The following MBNL1 variants were observed in gnomAD, a reference collection of about 807,000 sequenced individuals.
The protein encoded by MBNL1 is muscleblind-like protein 1.
In MBNL1, 8 loss-of-function variants were observed where a neutral mutation model predicts 42.2. The ratio of observed to expected loss-of-function variants is 0.19; its 90% confidence interval spans 0.11 to 0.34. The LOEUF is 0.34. Ranked by LOEUF, MBNL1 falls within the 10% of genes least tolerant of loss-of-function variation. The pLI, the probability that MBNL1 is intolerant of heterozygous loss-of-function variation, is 1.00. For missense variants in MBNL1, 309 were observed against 495.3 expected, an observed-to-expected ratio of 0.62 and a Z score of 3.57; for synonymous variants, 169 against 173.9, an observed-to-expected ratio of 0.97 and a Z score of 0.22.
chr3:152,332,483 T>G (rs1334953597), intron 2 of MBNL1, among the ~76,000 whole-genome samples: 1 of 152,162 alleles, frequency 6.6e-6, no homozygotes, highest in Non-Finnish European at 1.5e-5. Context: ...TCATCTTCCT[T>G]CTATGATAAC....
chr3:152,287,620 C>A (rs78825511), intron 1 of MBNL1, among the ~76,000 whole-genome samples: 2 of 152,186 alleles, frequency 1.3e-5, no homozygotes, highest in East Asian at 3.8e-4. Context: ...TAGTTACCCA[C>A]GAGTCACTGA....
intron 2 of MBNL1, among the ~76,000 whole-genome samples, chr3:152,343,171 A>C (rs952924068): frequency 2.6e-5 from 4 of 152,152 alleles, no homozygotes; most frequent in Non-Finnish European, 5.9e-5. Flanking sequence ...AAATTTTCTC[A>C]GTCTTGGCTT....
intron 2 of MBNL1, among the ~76,000 whole-genome samples, chr3:152,332,198 A>T (rs1415911527): frequency 6.6e-6 from 1 of 152,220 alleles, no homozygotes; most frequent in Admixed American, 6.5e-5. Context: ...TCACGTGGTA[A>T]TGCCAAGGTC....
intron 3 of MBNL1, among the ~76,000 whole-genome samples, chr3:152,427,707 C>CT (rs2098951210): frequency 6.7e-6 from 1 of 149,978 alleles, no homozygotes; most frequent in East Asian, 1.9e-4. Context: ...ATTATGTGTG[C>CT]TTTTTTAAAA....
chr3:152,319,737 A>G (rs2075217778), intron 2 of MBNL1, among the ~76,000 whole-genome samples: 1 of 150,722 alleles, frequency 6.6e-6, no homozygotes, highest in Non-Finnish European at 1.5e-5. Flanking sequence ...TAAAATTATA[A>G]TAAAATATAC....
chr3:152,246,473 A>G (rs1488691777), intron 2 of MBNL1, among the ~76,000 whole-genome samples: 2 of 151,994 alleles, frequency 1.3e-5, no homozygotes, highest in African/African-American at 4.8e-5. Flanking sequence ...TACATAAGAA[A>G]AAAATGAGTG....
chr3:152,419,452 C>T (rs956711254), intron 3 of MBNL1, among the ~76,000 whole-genome samples: 1 of 152,118 alleles, frequency 6.6e-6, no homozygotes, highest in Admixed American at 6.6e-5. Context: ...AGGGTGTCAC[C>T]TCACCCTGGA....
intron 2 of MBNL1, among the ~76,000 whole-genome samples, chr3:152,336,171 A>G (rs2089997564): frequency 1.3e-5 from 2 of 152,188 alleles, no homozygotes; most frequent in Admixed American, 1.3e-4. Flanking sequence ...TTTTTATTCA[A>G]AAATGTAATC....
chr3:152,401,916 C>T (rs1219738165), intron 2 of MBNL1, among the ~76,000 whole-genome samples: 1 of 151,726 alleles, frequency 6.6e-6, no homozygotes, highest in Non-Finnish European at 1.5e-5. Context: ...CCTGTAGTCC[C>T]ACCTACTCGG....
intron 2 of MBNL1, among the ~76,000 whole-genome samples, chr3:152,334,318 CA>C (rs915882867): frequency 2.6e-5 from 4 of 152,132 alleles, no homozygotes; most frequent in African/African-American, 4.8e-5. Flanking sequence ...TTAAATTATA[CA>C]AAAAAACTGT....
At chr3:152,297,261 T>TG (rs953575222) in intron 1 of MBNL1, among the ~76,000 whole-genome samples, 1 of 151,186 alleles carries the variant, frequency 6.6e-6, no homozygotes, top group African/African-American at 2.4e-5. Flanking sequence ...TTTGTTTTTT[T>TG]TTTTTTTTTT....
intron 1 of MBNL1, among the ~76,000 whole-genome samples, chr3:152,289,085 A>C (rs951394478): frequency 1.7e-5 from 2 of 119,656 alleles, no homozygotes; most frequent in African/African-American, 2.6e-5. Context: ...AGGTTTTCTT[A>C]AAGTTTTTTA....
At chr3:152,288,906 A>G (rs904152383) in intron 1 of MBNL1, among the ~76,000 whole-genome samples, 2 of 152,214 alleles carry the variant, frequency 1.3e-5, no homozygotes, top group African/African-American at 4.8e-5. Flanking sequence ...AGTTGAAAAT[A>G]TTTTGGAAAA....
At chr3:152,453,623 A>T (rs376175856) in intron 6 of MBNL1, among the ~76,000 whole-genome samples, 21 of 152,294 alleles carry the variant, frequency 1.4e-4, no homozygotes, top group African/African-American at 3.8e-4. Context: ...GTCCTACAGC[A>T]TTATGTCCTC....
intron 2 of MBNL1, among the ~76,000 whole-genome samples, chr3:152,248,423 T>C (rs1447968461): frequency 1.3e-5 from 2 of 152,038 alleles, no homozygotes; most frequent in Non-Finnish European, 2.9e-5. Context: ...GAACCCCTTA[T>C]ATCTTTACCT....
At chr3:152,334,711 G>A (rs1045753061) in intron 2 of MBNL1, among the ~76,000 whole-genome samples, 1 of 152,126 alleles carries the variant, frequency 6.6e-6, no homozygotes, top group African/African-American at 2.4e-5. Context: ...TTCATTAACA[G>A]GAAATTTTAG....
In MBNL1 at chr3:152,311,095, G is replaced by A. The variant is rs181787181; in HGVS notation, c.174+10728G>A. Among the ~76,000 whole-genome samples the A allele has an allele frequency of 2.2e-3, 285 of 132,460 alleles. 1 individual carries two copies. Among genetic ancestry groups the A allele is most frequent in the Admixed American group, 8.5e-3 (96 of 11,238 alleles). 86.9% of individuals were successfully genotyped at this position (132,460 alleles called of 152,430 possible). On this transcript the variant is annotated intron_variant, in intron 2 of 9. Transcript: ENST00000324210. ...GCCATCTCAGCTTACTGCAACCTCC[G>A]CCTCCTGGGTTCAAGCGATTCTCCT...
intron 2 of MBNL1, among the ~76,000 whole-genome samples, chr3:152,312,332 C>A (rs1411876080): frequency 6.6e-6 from 1 of 152,028 alleles, no homozygotes; most frequent in Admixed American, 6.5e-5. Flanking sequence ...ACTTTCGATA[C>A]CAATAGCTAG....
At chr3:152,269,152 T>C in intron 1 of MBNL1, 60 bp downstream of exon 1, 1 of 426,404 alleles carries the variant, frequency 2.3e-6, no homozygotes, top group South Asian at 1.7e-5. Context: ...CCGGCGGGTC[T>C]GCCCGTGGCT....
Sources: allele counts gnomAD v4.1 joint callset (sites outside exome capture counted in the v4.1 genomes callset), GRCh38; gene constraint gnomAD v4.1.1; transcripts MANE v1.5; gene names NCBI Gene and HGNC (gene_info 2026-07-23, HGNC 2026-07-21).